Variants in TPR observed in about 807,000 individuals in gnomAD.
TPR encodes translocated promoter region, nuclear basket protein.
Under a neutral mutation model 316.1 loss-of-function variants are expected in TPR, and 51 were observed. That is an observed-to-expected ratio of 0.16 (90% confidence interval 0.13 to 0.20). The LOEUF (loss-of-function observed/expected upper bound fraction) is 0.20. Ranked by LOEUF, TPR falls within the 10% of genes least tolerant of loss-of-function variation. The pLI is 1.00. For missense variants in TPR, 2,272 were observed against 2,754.8 expected, an observed-to-expected ratio of 0.82 and a Z score of 3.92; for synonymous variants, 981 against 914.7, an observed-to-expected ratio of 1.07 and a Z score of -1.31.
At position 186,312,169 on chromosome 1, in the gene TPR, T is replaced by C. The variant is rs1657301743; in HGVS notation, c.*1802A>G. The stretch of plus-strand genomic sequence containing the variant: ...ATTTTCCATGTGATATTCTAATACA[T>C]AACAGGTGGCAGCATTCAGCAGTAT... On this transcript the variant is annotated 3_prime_UTR_variant, in exon 51 of 51. Transcript: ENST00000367478. 6.2e-7 allele frequency: 1 copy of C among 1,612,938 alleles called. No individual in the cohort carries two copies. Among genetic ancestry groups the C allele is most frequent in the Non-Finnish European group, 8.5e-7 (1 of 1,178,974 alleles).
At chr1:186,332,526 G>C (rs913849992) in intron 37 of TPR, among the ~76,000 whole-genome samples, 183 bp from the exon 38 acceptor site, 4 of 152,062 alleles carry the variant, frequency 2.6e-5, no homozygotes, top group Non-Finnish European at 4.4e-5. Flanking sequence ...TTTCTGCTAA[G>C]CTATGGGTAA....
intron 2 of TPR, among the ~76,000 whole-genome samples, chr1:186,371,299 T>A (rs1402731270): frequency 1.3e-5 from 2 of 152,174 alleles, no homozygotes; most frequent in African/African-American, 4.8e-5. Context: ...GAAAGTCACA[T>A]GCAATTAGTA....
In TPR at chr1:186,337,332, G is replaced by A. The variant is rs73046524; in HGVS notation, c.4363-176C>T. Among the ~76,000 whole-genome samples the A allele has an allele frequency of 9.7e-3, 1,476 of 152,122 alleles. 28 individuals carry two copies. Among genetic ancestry groups the A allele is most frequent in the African/African-American group, 0.034 (1,409 of 41,506 alleles). On this transcript the variant is annotated intron_variant, in intron 31 of 50. Transcript: ENST00000367478. ...CTCCAAAAATGGGGAACTAGTTATG[G>A]TTTTCCACATAACTGAATACTAAAC...
At chr1:186,354,922 A>C (rs1028787967) in intron 17 of TPR, among the ~76,000 whole-genome samples, 3 of 151,610 alleles carry the variant, frequency 2.0e-5, no homozygotes, top group African/African-American at 7.3e-5. Flanking sequence ...TATTTTTTTG[A>C]GACAGAATCT....
intron 21 of TPR, among the ~76,000 whole-genome samples, chr1:186,349,724 C>T (rs1658801651): frequency 6.6e-6 from 1 of 151,346 alleles, no homozygotes; most frequent in South Asian, 2.1e-4. Context: ...GACACAAAGG[C>T]TTCGAACTTG....
intron 39 of TPR, among the ~76,000 whole-genome samples, chr1:186,331,081 G>C (rs1167624684): frequency 6.6e-6 from 1 of 152,020 alleles, no homozygotes; most frequent in East Asian, 1.9e-4. Context: ...AAAAAATGAA[G>C]AGGTATATAA....
intron 37 of TPR, 22 bp downstream of exon 37, chr1:186,333,100 T>C (rs1287006522): frequency 1.2e-6 from 2 of 1,610,974 alleles, no homozygotes; most frequent in Non-Finnish European, 1.7e-6. Flanking sequence ...CTACTCTGAC[T>C]TCATTTTAAA....
Position 186,341,106 on chromosome 1 carries a change from C to G in TPR, c.3942G>C (p.Leu1314=). ...CCTGCAACATACCGCTTTTCTCACT[C>G]AGCTCAGCATTTGCTTCTTGTAAGG... ...ILPLQEANAE[L]SEKSGMLQAE... is the part of the protein sequence containing the mutation. Residue 1314 remains leucine (L), a synonymous_variant, in exon 29 of 51, where the codon CTG becomes CTC. Coordinates refer to ENST00000367478, the MANE Select transcript of TPR (RefSeq NM_003292.3). 1 of 1,614,134 alleles carries G rather than the reference C, an allele frequency of 6.2e-7. No homozygotes were observed. The highest frequency in any genetic ancestry group is 8.5e-7 in the Non-Finnish European group (1 of 1,180,006).
At chr1:186,371,174 T>C in intron 2 of TPR, 131 bp from the exon 3 acceptor site, 3 of 691,364 alleles carry the variant, frequency 4.3e-6, no homozygotes, top group Non-Finnish European at 7.2e-6. Flanking sequence ...GCATTGTACA[T>C]CACATTCCAA....
In TPR at chr1:186,312,298, G is replaced by A. The variant is rs1557970634; in HGVS notation, c.*1673C>T. The stretch of plus-strand genomic sequence containing the variant: ...CAGGTTAGGAGACGTCGCTTTGAAC[G>A]TGCTATAGGACCTTCTCAAACACAC... On this transcript the variant is annotated 3_prime_UTR_variant, in exon 51 of 51. Coordinates refer to ENST00000367478, the MANE Select transcript of TPR (RefSeq NM_003292.3). 2 of 1,613,756 alleles carry A rather than the reference G, an allele frequency of 1.2e-6. No individual in the cohort carries two copies. The highest frequency in any genetic ancestry group is 1.7e-5 in the Admixed American group (1 of 59,960).
intron 34 of TPR, 98 bp downstream of exon 34, chr1:186,335,240 C>T (rs563546185): frequency 1.9e-6 from 3 of 1,549,618 alleles, no homozygotes; most frequent in Non-Finnish European, 2.6e-6. Context: ...TGAATTTTAG[C>T]CAAAATTCAC....
intron 31 of TPR, among the ~76,000 whole-genome samples, chr1:186,337,809 G>C (rs1293286640): frequency 3.3e-5 from 5 of 151,898 alleles, no homozygotes. Context: ...TTTGAAAATG[G>C]AGAGTATTTG....
rs1657413501 is a variant in TPR, at chr1:186,313,168, C to T, written c.*803G>A. ...ACTGACAATAGTATTTTACTTCTAT[C>T]ATTTGTGGCATTTAACAGATACCTT... On this transcript the variant is annotated 3_prime_UTR_variant, in exon 51 of 51. Transcript: ENST00000367478. The T allele has an allele frequency of 2.2e-6, 1 of 463,224 alleles. No homozygotes were observed. Among genetic ancestry groups the T allele is most frequent in the South Asian group, 2.2e-5 (1 of 44,544 alleles). 28.7% of individuals were successfully genotyped at this position (463,224 alleles called of 1,614,324 possible). A position where few individuals can be genotyped will look rare whatever the true frequency, so the allele number is the denominator to read the frequency against.
intron 28 of TPR, 42 bp from the exon 29 acceptor site, chr1:186,341,201 A>G (rs1368666198): frequency 6.2e-7 from 1 of 1,612,764 alleles, no homozygotes; most frequent in Admixed American, 1.7e-5. Flanking sequence ...GTAAAAATTC[A>G]TTTATTATTA....
chr1:186,362,137 C>A, intron 7 of TPR, 151 bp downstream of exon 7: 1 of 642,618 alleles, frequency 1.6e-6, no homozygotes, highest in Non-Finnish European at 2.6e-6. Flanking sequence ...ATTTCTGATT[C>A]TATTTTAGCC....
chr1:186,315,214 AAAC>A (rs1479538908), intron 49 of TPR, among the ~76,000 whole-genome samples: 4 of 148,020 alleles, frequency 2.7e-5, no homozygotes, highest in South Asian at 2.1e-4. Flanking sequence ...CTCAAAAAAA[AAAC>A]AAACAAACAA....
intron 29 of TPR, among the ~76,000 whole-genome samples, chr1:186,340,331 C>A (rs1039071131): frequency 8.5e-5 from 13 of 152,096 alleles, no homozygotes; most frequent in Non-Finnish European, 1.3e-4. Context: ...GCTGGAGTTT[C>A]GAACCACAGT....
chr1:186,330,943 T>A (rs1302167297), intron 39 of TPR, among the ~76,000 whole-genome samples: 2 of 152,146 alleles, frequency 1.3e-5, no homozygotes, highest in Non-Finnish European at 2.9e-5. Context: ...ATGCAGGGAA[T>A]TAATGATATG....
At position 186,348,546 on chromosome 1, in the gene TPR, A is replaced by T. The variant is rs143794830; in HGVS notation, c.2777-1088T>A. 3.4e-3 allele frequency among the ~76,000 whole-genome samples: 519 copies of T among 152,292 alleles called. 1 individual carries two copies. The highest frequency in any genetic ancestry group is 5.7e-3 in the Non-Finnish European group (390 of 68,030). On this transcript the variant is annotated intron_variant, in intron 21 of 50. Coordinates refer to ENST00000367478, the MANE Select transcript of TPR (RefSeq NM_003292.3). ...TGGTTCTGCTTTTGCTCTTTGAAGCATGTGATCTTTGCACCTACTCTCTGT... is the reference window on the plus strand; with the variant it reads ...TGGTTCTGCTTTTGCTCTTTGAAGCTTGTGATCTTTGCACCTACTCTCTGT...
Sources: gnomAD v4.1 joint callset for allele counts (sites outside exome capture counted in the v4.1 genomes callset) on GRCh38, gnomAD v4.1.1 for gene constraint, MANE v1.5 for transcripts, NCBI Gene and HGNC (gene_info 2026-07-23, HGNC 2026-07-21) for gene names.